Variants in LTBP1 observed in about 807,000 individuals in gnomAD.
LTBP1 encodes the protein latent-transforming growth factor beta-binding protein 1.
Under a neutral mutation model 207.6 loss-of-function variants are expected in LTBP1, and 129 were observed. The observed-to-expected ratio is 0.62, with a 90% confidence interval of 0.54 to 0.72. The LOEUF is 0.72. Among genes scored for constraint, LTBP1 ranks in the 30% least tolerant of loss-of-function variants. The pLI, the probability that LTBP1 is intolerant of heterozygous loss-of-function variation, is 0.00. For synonymous variants in LTBP1, 963 were observed against 833.7 expected, an observed-to-expected ratio of 1.16 and a Z score of -2.67; for missense variants, 2,281 against 2,217.2, an observed-to-expected ratio of 1.03 and a Z score of -0.58.
At chr2:33,315,386 C>A in intron 24 of LTBP1, 117 bp downstream of exon 24, 1 of 1,253,338 alleles carries the variant, frequency 8.0e-7, no homozygotes, top group Non-Finnish European at 1.1e-6. Context: ...AGCCTCAAAG[C>A]ATGTATGCAT....
intron 3 of LTBP1, among the ~76,000 whole-genome samples, chr2:33,089,755 T>C (rs879507743): frequency 6.6e-6 from 1 of 152,270 alleles, no homozygotes; most frequent in Non-Finnish European, 1.5e-5. Flanking sequence ...TAAATTACTT[T>C]TGTTTTTAAA....
At chr2:33,089,650 A>G (rs1206088254) in intron 3 of LTBP1, among the ~76,000 whole-genome samples, 2 of 152,266 alleles carry the variant, frequency 1.3e-5, no homozygotes, top group Non-Finnish European at 2.9e-5. Context: ...GTCATTATAC[A>G]CATCTCATGT....
At chr2:33,294,718 A>G (rs1441369917) in intron 20 of LTBP1, among the ~76,000 whole-genome samples, 2 of 151,660 alleles carry the variant, frequency 1.3e-5, no homozygotes, top group East Asian at 3.9e-4. Flanking sequence ...AGCTGGGACT[A>G]CAGGCACCCG....
chr2:33,158,469 T>C (rs978285279), intron 5 of LTBP1, among the ~76,000 whole-genome samples: 5 of 152,146 alleles, frequency 3.3e-5, no homozygotes, highest in Non-Finnish European at 5.9e-5. Flanking sequence ...GTGCCACTTT[T>C]TGGAATTAAT....
rs2061024 is a variant in LTBP1 at position 33,156,046 on chromosome 2, T to C, written c.1201+21086T>C. 7.0e-3 allele frequency among the ~76,000 whole-genome samples: 1,069 copies of C among 152,294 alleles called. 3 individuals are homozygous for C. The highest frequency in any genetic ancestry group is 0.01 in the Non-Finnish European group (700 of 68,028). ...CTTAAATTAATAACAACTACCACTA[T>C]CGAGTCTCTTCCGTATGCCCAGCAC... On this transcript the variant is annotated intron_variant, in intron 5 of 33. Coordinates refer to ENST00000404816, the MANE Select transcript of LTBP1 (RefSeq NM_206943.4).
chr2:33,365,505 T>C lies in LTBP1; in HGVS notation c.4711+2T>C. ...CCCTCTGCCCCCTGAAGGATTCAGG[T>C]GAGCCCATATCCAATTCCTTCTGCA... is the stretch of plus-strand genomic sequence containing the variant. On this transcript the variant is annotated splice_donor_variant, in intron 31 of 33. Transcript: ENST00000404816. LOFTEE classifies it high-confidence loss of function. The C allele has an allele frequency of 6.2e-7, 1 of 1,613,156 alleles. No homozygotes were observed. Among genetic ancestry groups the C allele is most frequent in the Non-Finnish European group, 8.5e-7 (1 of 1,179,554 alleles).
intron 3 of LTBP1, among the ~76,000 whole-genome samples, chr2:33,059,567 C>T (rs377189769): frequency 2.1e-4 from 32 of 152,160 alleles, no homozygotes; most frequent in African/African-American, 6.3e-4. Context: ...TGGAGCCAGA[C>T]GCTCTCAGTG....
Position 33,022,246 on chromosome 2 carries a change from C to G in LTBP1, c.863+1040C>G, listed in dbSNP as rs551753200. On this transcript the variant is annotated intron_variant, in intron 3 of 33. Transcript: ENST00000404816. ...CTGAGTGTGGTCTTTTTCTTTTCTCCTATTCCCTCCTCAATCCTCTTTTTT... is the reference window on the plus strand; with the variant it reads ...CTGAGTGTGGTCTTTTTCTTTTCTCGTATTCCCTCCTCAATCCTCTTTTTT... 5.9e-4 allele frequency among the ~76,000 whole-genome samples: 87 copies of G among 146,510 alleles called. 1 individual carries two copies. Among genetic ancestry groups the G allele is most frequent in the Non-Finnish European group, 1.0e-3 (67 of 66,828 alleles).
chr2:33,027,220 G>A (rs865969256), intron 3 of LTBP1, among the ~76,000 whole-genome samples: 3 of 151,956 alleles, frequency 2.0e-5, no homozygotes, highest in Admixed American at 6.6e-5. Context: ...GATTGACTAA[G>A]GTATAATTGA....
intron 31 of LTBP1, among the ~76,000 whole-genome samples, chr2:33,370,631 A>G (rs1376246820): frequency 6.6e-6 from 1 of 152,224 alleles, no homozygotes; most frequent in East Asian, 1.9e-4. Context: ...TTTTAAAACT[A>G]GTTTGTTCAT....
chr2:33,398,235 G>C (rs1238310996), intron 33 of LTBP1, 129 bp from the exon 34 acceptor site: 1 of 744,146 alleles, frequency 1.3e-6, no homozygotes, highest in Non-Finnish European at 2.2e-6. Context: ...CGTCTTGTCT[G>C]TGACTGAAGC....
At chr2:33,254,629 G>A (rs2092782278) in intron 11 of LTBP1, among the ~76,000 whole-genome samples, 1 of 139,890 alleles carries the variant, frequency 7.1e-6, no homozygotes, top group Non-Finnish European at 1.5e-5. Context: ...TAAGTTTTAG[G>A]GTACATGTGC....
Position 33,188,708 on chromosome 2 carries a change from C to G in LTBP1, c.1558C>G (p.Gln520Glu). ...AAAAGAAGCTCAACCAGGCCAATCC[C>G]AAGTCTCGTACCAAGGGCTTCCTGT... ...KTKEAQPGQS[Q>E]VSYQGLPVQK... Residue 520 changes from glutamine (Q) to glutamate (E), a missense_variant, in exon 7 of 34, where the codon CAA becomes GAA. Physicochemically the swap from Gln to Glu is conservative, Grantham distance 29. Transcript: ENST00000404816. The G allele has an allele frequency of 2.5e-6, 4 of 1,614,142 alleles. No homozygotes were observed. The highest frequency in any genetic ancestry group is 3.4e-6 in the Non-Finnish European group (4 of 1,180,030).
chr2:33,227,490 C>T (rs2091506256), intron 9 of LTBP1, among the ~76,000 whole-genome samples: 2 of 152,118 alleles, frequency 1.3e-5, no homozygotes, highest in Admixed American at 1.3e-4. Context: ...ATATAGAAAT[C>T]TTGCCTCCAA....
rs376859801 is a variant in LTBP1 at position 33,036,639 on chromosome 2, G to A, written c.863+15433G>A. Among the ~76,000 whole-genome samples the A allele has an allele frequency of 2.6e-5, 4 of 152,090 alleles. No individual in the cohort carries two copies. The South Asian group carries it at 8.3e-4, about 32-fold the overall frequency. ...TGTCTGGCTAAGTTTTGTATTTTTA[G>A]TAGAGACGGGGTTTCACCATGTTGG... is the stretch of plus-strand genomic sequence containing the variant. On this transcript the variant is annotated intron_variant, in intron 3 of 33. Coordinates refer to ENST00000404816, the MANE Select transcript of LTBP1 (RefSeq NM_206943.4).
intron 7 of LTBP1, among the ~76,000 whole-genome samples, chr2:33,215,724 T>G (rs550623216): frequency 9.0e-5 from 12 of 132,970 alleles, no homozygotes; most frequent in Admixed American, 7.3e-4. Context: ...TTGTTTTTTG[T>G]TTTTTTTTTT....
At chr2:33,254,739 C>T in intron 11 of LTBP1, among the ~76,000 whole-genome samples, 1 of 132,334 alleles carries the variant, frequency 7.6e-6, no homozygotes. Context: ...TAATGCTATC[C>T]CTCCCGCCTC....
chr2:33,246,631 A>T (rs539510213), intron 10 of LTBP1, among the ~76,000 whole-genome samples: 45 of 152,200 alleles, frequency 3.0e-4, no homozygotes, highest in Non-Finnish European at 6.0e-4. Flanking sequence ...AATTTAGGCC[A>T]TATCCAGAGC....
chr2:33,288,330 TGTGCCC>T lies in LTBP1; in HGVS notation c.3113-4829_3113-4824del, dbSNP rs112740729. Among the ~76,000 whole-genome samples the T allele has an allele frequency of 6.0e-3, 907 of 152,308 alleles. 7 individuals carry two copies. The highest frequency in any genetic ancestry group is 0.021 in the African/African-American group (877 of 41,566). ...TGAATACCCTCTGTACATGGTGGGC[TGTGCCC>T]ACCAGGGAGGGGCTTGAGACAGTCT... On this transcript the variant is annotated intron_variant, in intron 19 of 33. Coordinates refer to ENST00000404816, the MANE Select transcript of LTBP1 (RefSeq NM_206943.4).
Sources: allele counts gnomAD v4.1 joint callset (sites outside exome capture counted in the v4.1 genomes callset), GRCh38; gene constraint gnomAD v4.1.1; transcripts MANE v1.5; gene names NCBI Gene and HGNC (gene_info 2026-07-23, HGNC 2026-07-21).